The following CDK5RAP2 variants were observed in gnomAD, a reference collection of about 807,000 sequenced individuals.
The protein encoded by CDK5RAP2 is CDK5 regulatory subunit associated protein 2, also known as CDK5 regulatory subunit-associated protein 2.
A neutral mutation model predicts 232.9 loss-of-function variants in CDK5RAP2; 147 were observed. That is an observed-to-expected ratio of 0.63 (90% CI 0.55 to 0.72). CDK5RAP2 has a LOEUF of 0.72. Ranked by LOEUF, CDK5RAP2 falls within the 30% of genes least tolerant of loss-of-function variation. The pLI is 0.00. For synonymous variants in CDK5RAP2, 833 were observed against 833.7 expected (o/e 1.00, Z 0.01); for missense variants, 2,195 against 2,231.5 (o/e 0.98, Z 0.33).
At chr9:120,459,927 A>G (rs558133034) in intron 19 of CDK5RAP2, among the ~76,000 whole-genome samples, 1 of 152,294 alleles carries the variant, frequency 6.6e-6, no homozygotes, top group East Asian at 1.9e-4. Context: ...TCAACCTTGG[A>G]GACTGCTTGG....
At chr9:120,558,366 C>T (rs185681524) in intron 3 of CDK5RAP2, among the ~76,000 whole-genome samples, 4,268 of 47,040 alleles carry the variant, frequency 0.091, 152 homozygotes, top group Middle Eastern at 0.21. Context: ...AGTGAGACTC[C>T]GTCTCAAAAA....
intron 12 of CDK5RAP2, 29 bp downstream of exon 12, chr9:120,518,398 C>G (rs372908878): frequency 6.3e-7 from 1 of 1,587,900 alleles, no homozygotes; most frequent in African/African-American, 1.3e-5. Context: ...GCACTGTCCA[C>G]TGTGTCAGAA....
rs572558561 is a variant in CDK5RAP2, at chr9:120,573,484, G to A, written c.60-1443C>T. Among the ~76,000 whole-genome samples the A allele has an allele frequency of 2.0e-4, 30 of 151,898 alleles. 1 individual carries two copies. The highest frequency in any genetic ancestry group is 3.5e-4 in the Non-Finnish European group (24 of 67,962). On this transcript the variant is annotated intron_variant, in intron 1 of 37. Coordinates refer to ENST00000349780, the MANE Select transcript of CDK5RAP2 (RefSeq NM_018249.6). ...GAATCACTTGAACCCAGGAGGCAGA[G>A]GTTGAAGTGAGCTGAGATCATGCCA... is the stretch of plus-strand genomic sequence containing the variant.
At chr9:120,549,585 C>T (rs1315114310) in intron 4 of CDK5RAP2, among the ~76,000 whole-genome samples, 1 of 152,086 alleles carries the variant, frequency 6.6e-6, no homozygotes, top group Admixed American at 6.5e-5. Context: ...CAGTTTCTTC[C>T]CCTGTAAGAT....
rs182698258 is a variant in CDK5RAP2 at position 120,520,621 on chromosome 9, C to A, written c.1093-1976G>T. Among the ~76,000 whole-genome samples the A allele has an allele frequency of 3.3e-5, 5 of 151,920 alleles. No homozygotes were observed. In the East Asian group the frequency reaches 1.0e-3, roughly 30 times the overall value. On this transcript the variant is annotated intron_variant, in intron 11 of 37. Transcript: ENST00000349780. ...TTGCGCCACTGCACTCCAGTCTGGA[C>A]GACAGAGCAAGACTCTGTCTCAAAA... is the stretch of plus-strand genomic sequence containing the variant.
chr9:120,485,676 G>A (rs2038562563), intron 14 of CDK5RAP2, among the ~76,000 whole-genome samples: 1 of 152,146 alleles, frequency 6.6e-6, no homozygotes, highest in African/African-American at 2.4e-5. Context: ...ATAACCTGAT[G>A]AGCTGCTATC....
At chr9:120,487,106 A>G (rs942422810) in intron 14 of CDK5RAP2, among the ~76,000 whole-genome samples, 188 bp downstream of exon 14, 1 of 152,222 alleles carries the variant, frequency 6.6e-6, no homozygotes, top group Non-Finnish European at 1.5e-5. Context: ...CAGTGCAAAG[A>G]CTAATATTCA....
intron 18 of CDK5RAP2, among the ~76,000 whole-genome samples, chr9:120,462,263 C>G (rs1025188275): frequency 3.3e-5 from 5 of 152,006 alleles, no homozygotes; most frequent in Admixed American, 6.5e-5. Context: ...GGTAAGGAAC[C>G]CTCTTTGTCT....
intron 3 of CDK5RAP2, among the ~76,000 whole-genome samples, chr9:120,558,216 T>C (rs550853978): frequency 6.8e-6 from 1 of 147,606 alleles, no homozygotes; most frequent in East Asian, 2.0e-4. Context: ...CCATTAAAAA[T>C]ACAAAACTTA....
At chr9:120,485,301 T>G (rs1300275906) in intron 14 of CDK5RAP2, among the ~76,000 whole-genome samples, 1 of 148,568 alleles carries the variant, frequency 6.7e-6, no homozygotes, top group Non-Finnish European at 1.5e-5. Flanking sequence ...TACTTTTTTT[T>G]TTTTTTTTTT....
chr9:120,484,211 C>A (rs1317732182), intron 14 of CDK5RAP2, among the ~76,000 whole-genome samples: 1 of 152,262 alleles, frequency 6.6e-6, no homozygotes, highest in East Asian at 1.9e-4. Context: ...AAATTCTAAA[C>A]CAACACAAAA....
chr9:120,577,226 G>A (rs889229503), intron 1 of CDK5RAP2, among the ~76,000 whole-genome samples: 1 of 152,128 alleles, frequency 6.6e-6, no homozygotes, highest in Non-Finnish European at 1.5e-5. Context: ...GCCAGGCGTA[G>A]TGGGGCATGC....
rs778492272 is a variant in CDK5RAP2 at position 120,437,493 on chromosome 9, G to C, written c.3757C>G (p.Leu1253Val). 21 of 1,613,806 alleles carry C rather than the reference G, an allele frequency of 1.3e-5. No individual in the cohort carries two copies. In the African/African-American group the frequency reaches 2.7e-4, roughly 21 times the overall value. The change falls in exon 25 of 38, where the codon CTC (leucine) becomes GTC (valine). Residue 1253 changes from leucine to valine, a missense_variant. Leu to Val is a conservative substitution (Grantham distance 32). Coordinates refer to ENST00000349780, the MANE Select transcript of CDK5RAP2 (RefSeq NM_018249.6). ...DSLVQSQARE[L>V]SLQRQQIKDG... is the part of the protein sequence containing the mutation. ...TTAATCTGCTGCCGTTGAAGGGAGA[G>C]CTCCCTGGCTTGGGACTGAACTAAT...
intron 12 of CDK5RAP2, among the ~76,000 whole-genome samples, chr9:120,495,979 A>G (rs1450415089): frequency 5.8e-5 from 7 of 121,106 alleles, no homozygotes; most frequent in African/African-American, 9.3e-5. Flanking sequence ...GTAGGGAGGT[A>G]GGGGGGTCAG....
At chr9:120,562,450 C>T (rs1274724593) in intron 3 of CDK5RAP2, among the ~76,000 whole-genome samples, 1 of 152,124 alleles carries the variant, frequency 6.6e-6, no homozygotes, top group African/African-American at 2.4e-5. Flanking sequence ...ATTCCAAGTA[C>T]TCAACTCAGC....
In CDK5RAP2 at chr9:120,453,569, A is replaced by G. The variant is rs2131404766; in HGVS notation, c.2680T>C (p.Trp894Arg). 6.2e-7 allele frequency: 1 copy of G among 1,614,098 alleles called. No individual in the cohort carries two copies. The highest frequency in any genetic ancestry group is 1.1e-5 in the South Asian group (1 of 91,074). ...RFKHEATREAWEEKPINTALS... is the reference protein window; with the variant it reads ...RFKHEATREAREEKPINTALS... The stretch of plus-strand genomic sequence containing the variant: ...GCAGTGTTGATCGGTTTCTCTTCCC[A>G]AGCCTCTCTTGTTGCTTCATGCTTG... The change falls in exon 21 of 38, where the codon TGG becomes CGG. Residue 894 changes from tryptophan (W) to arginine (R), a missense_variant. Transcript: ENST00000349780.
intron 18 of CDK5RAP2, among the ~76,000 whole-genome samples, chr9:120,462,195 T>A (rs2037129160): frequency 6.6e-6 from 1 of 152,194 alleles, no homozygotes; most frequent in African/African-American, 2.4e-5. Context: ...TTATCCAGCA[T>A]GAAACAGACT....
chr9:120,527,803 T>C lies in CDK5RAP2; in HGVS notation c.999+3A>G, dbSNP rs745524860. On this transcript the variant is annotated splice_donor_region_variant and intron_variant, in intron 10 of 37. Coordinates refer to ENST00000349780, the MANE Select transcript of CDK5RAP2 (RefSeq NM_018249.6). ...AATCTTACTTCAAGTGTATCAGACA[T>C]ACCTTTTTTTCCTTTGATTTTAATG... 2 of 1,613,218 alleles carry C rather than the reference T, an allele frequency of 1.2e-6. No homozygotes were observed. Among genetic ancestry groups the C allele is most frequent in the Non-Finnish European group, 8.5e-7 (1 of 1,179,914 alleles).
At chr9:120,438,663 A>G (rs913668841) in intron 24 of CDK5RAP2, among the ~76,000 whole-genome samples, 33 of 152,334 alleles carry the variant, frequency 2.2e-4, no homozygotes, top group African/African-American at 7.7e-4. Flanking sequence ...TTTGAGGATT[A>G]GATAAGAAAA....
Sources: allele counts gnomAD v4.1 joint callset (sites outside exome capture counted in the v4.1 genomes callset), GRCh38; gene constraint gnomAD v4.1.1; transcripts MANE v1.5; gene names NCBI Gene and HGNC (gene_info 2026-07-23, HGNC 2026-07-21).